PSMB7: variants seen among roughly 807,000 people sequenced by gnomAD.
PSMB7 encodes proteasome 20S subunit beta 7, also known as proteasome subunit beta type-7.
A neutral mutation model predicts 28.1 loss-of-function variants in PSMB7; 5 were observed. The ratio of observed to expected loss-of-function variants is 0.18; its 90% CI spans 0.09 to 0.37. PSMB7 has a LOEUF of 0.37. PSMB7 is among the 10% of genes least tolerant of loss of function. PSMB7 has a pLI of 1.00. For missense variants in PSMB7, 275 were observed against 346.2 expected, an observed-to-expected ratio of 0.79 and a Z score of 1.63; for synonymous variants, 122 against 123.7, an observed-to-expected ratio of 0.99 and a Z score of 0.09.
At position 124,395,513 on chromosome 9, in the gene PSMB7, TTAA is replaced by T. The variant is rs538030292; in HGVS notation, c.511+9801_511+9803del. Among the ~76,000 whole-genome samples the T allele has an allele frequency of 8.6e-4, 131 of 151,778 alleles. 1 individual carries two copies. The highest frequency in any genetic ancestry group is 8.2e-3 in the Admixed American group (125 of 15,238). Reference sequence around the variant, plus strand: ...CCCCTAAAAAATAAAAACAAATAAGTTAATTATTATTTTTTAAAAAGATCTGAA... The same window carrying T: ...CCCCTAAAAAATAAAAACAAATAAGTTTATTATTTTTTAAAAAGATCTGAA... On this transcript the variant is annotated intron_variant, in intron 5 of 7. Coordinates refer to ENST00000259457, the MANE Select transcript of PSMB7 (RefSeq NM_002799.4).
intron 6 of PSMB7, among the ~76,000 whole-genome samples, chr9:124,369,105 G>A (rs977549146): frequency 1.3e-5 from 2 of 152,188 alleles, no homozygotes; most frequent in Non-Finnish European, 1.5e-5. Flanking sequence ...ATGACAGGGT[G>A]ACAATGACGG....
At chr9:124,364,535 A>G (rs1201441108) in intron 6 of PSMB7, among the ~76,000 whole-genome samples, 1 of 152,074 alleles carries the variant, frequency 6.6e-6, no homozygotes, top group Non-Finnish European at 1.5e-5. Flanking sequence ...AAAAAAAAAA[A>G]AAAAAAGAAA....
chr9:124,393,721 G>A (rs1830813782), intron 5 of PSMB7, among the ~76,000 whole-genome samples: 1 of 152,222 alleles, frequency 6.6e-6, no homozygotes, highest in Non-Finnish European at 1.5e-5. Context: ...GACCTGACAG[G>A]TTATAAACAC....
chr9:124,404,105 G>A (rs1830939755), intron 5 of PSMB7, among the ~76,000 whole-genome samples: 1 of 151,714 alleles, frequency 6.6e-6, no homozygotes, highest in South Asian at 2.1e-4. Context: ...GCCTAGGCTG[G>A]TCTTAAACTC....
At chr9:124,383,218 T>A (rs1830685787) in intron 6 of PSMB7, among the ~76,000 whole-genome samples, 3 of 152,254 alleles carry the variant, frequency 2.0e-5, no homozygotes, top group Admixed American at 6.5e-5. Flanking sequence ...TGGGAGTAAC[T>A]GTTCACATTG....
chr9:124,407,617 A>C (rs1830980483), intron 4 of PSMB7, among the ~76,000 whole-genome samples: 1 of 152,250 alleles, frequency 6.6e-6, no homozygotes. Flanking sequence ...AGATGCCTTT[A>C]AAATAATCAA....
chr9:124,390,942 T>A (rs1830776725), intron 5 of PSMB7, among the ~76,000 whole-genome samples: 1 of 152,182 alleles, frequency 6.6e-6, no homozygotes, highest in African/African-American at 2.4e-5. Context: ...CAATCAATCA[T>A]CACAAACAAA....
chr9:124,393,779 T>C (rs1280119141), intron 5 of PSMB7, among the ~76,000 whole-genome samples: 3 of 152,194 alleles, frequency 2.0e-5, no homozygotes, highest in African/African-American at 4.8e-5. Context: ...GCCTAAAATG[T>C]GAGAGGTTTT....
intron 6 of PSMB7, 26 bp downstream of exon 6, chr9:124,384,572 G>A (rs752488442): frequency 6.3e-7 from 1 of 1,584,220 alleles, no homozygotes; most frequent in Non-Finnish European, 8.6e-7. Flanking sequence ...CTTTGAAAAA[G>A]AATAAAACTG....
chr9:124,393,955 G>A (rs767964521), intron 5 of PSMB7, among the ~76,000 whole-genome samples: 15 of 152,306 alleles, frequency 9.8e-5, no homozygotes, highest in South Asian at 2.1e-4. Flanking sequence ...AGGCCACACC[G>A]GGAAACCGAA....
chr9:124,361,886 C>T (rs1830468217), intron 6 of PSMB7, among the ~76,000 whole-genome samples: 1 of 152,244 alleles, frequency 6.6e-6, no homozygotes, highest in Non-Finnish European at 1.5e-5. Flanking sequence ...TTCTTGTCTA[C>T]AGCTACAATC....
intron 5 of PSMB7, among the ~76,000 whole-genome samples, chr9:124,388,748 T>C (rs1830752932): frequency 6.6e-6 from 1 of 152,128 alleles, no homozygotes; most frequent in South Asian, 2.1e-4. Flanking sequence ...TGCCCATGAT[T>C]TCCTAAATGC....
At chr9:124,368,317 C>T (rs760278453) in intron 6 of PSMB7, among the ~76,000 whole-genome samples, 2 of 152,168 alleles carry the variant, frequency 1.3e-5, no homozygotes, top group East Asian at 1.9e-4. Context: ...AAATCACTTG[C>T]GGGTTTCTCT....
chr9:124,356,059 C>T lies in PSMB7; in HGVS notation c.722+705G>A, dbSNP rs1830401610. Among the ~76,000 whole-genome samples, 1 of 152,094 alleles carries T rather than the reference C, an allele frequency of 6.6e-6. No individual in the cohort carries two copies. The highest frequency in any genetic ancestry group is 1.9e-4 in the East Asian group (1 of 5,192). On this transcript the variant is annotated intron_variant, in intron 7 of 7. Coordinates refer to ENST00000259457, the MANE Select transcript of PSMB7 (RefSeq NM_002799.4). This position sits in a 1 kb window ranked among gnomAD's most constrained non-coding sequence, Gnocchi z 4.4. Reference sequence around the variant, plus strand: ...GCAGCTGGAAGCAGCACTCAGGGAGCCCATCCTGACCTGCCCGGGCTCCCA... The same window carrying T: ...GCAGCTGGAAGCAGCACTCAGGGAGTCCATCCTGACCTGCCCGGGCTCCCA...
rs7857897 is a variant in PSMB7, at chr9:124,356,271, G to A, written c.722+493C>T. ...CACCACTGAGCCGAGGGGCCCACTC[G>A]GCATGTAGGCTCAGGCTCAATGGCA... On this transcript the variant is annotated intron_variant, in intron 7 of 7. Coordinates refer to ENST00000259457, the MANE Select transcript of PSMB7 (RefSeq NM_002799.4). The surrounding 1 kb of genome is among the most constrained non-coding windows in gnomAD (Gnocchi z 4.4). Among the ~76,000 whole-genome samples the A allele has an allele frequency of 0.48, 72,634 of 152,092 alleles. 18,118 individuals are homozygous for A. The highest frequency in any genetic ancestry group is 0.56 in the Non-Finnish European group (37,963 of 67,966).
intron 6 of PSMB7, among the ~76,000 whole-genome samples, chr9:124,376,181 G>GA (rs1564678770): frequency 6.6e-6 from 1 of 151,906 alleles, no homozygotes. Flanking sequence ...AGTTATTCAT[G>GA]ATTCACCTCA....
At chr9:124,388,480 C>T (rs1412971178) in intron 5 of PSMB7, among the ~76,000 whole-genome samples, 1 of 152,198 alleles carries the variant, frequency 6.6e-6, no homozygotes, top group Non-Finnish European at 1.5e-5. Flanking sequence ...GCCATGCGGC[C>T]TATTTTAGGT....
At chr9:124,407,406 G>A (rs1199132042) in intron 4 of PSMB7, among the ~76,000 whole-genome samples, 1 of 152,122 alleles carries the variant, frequency 6.6e-6, no homozygotes, top group African/African-American at 2.4e-5. Context: ...GGAAGAAACT[G>A]GTCCAAGGCC....
At chr9:124,390,352 CT>C (rs1443498769) in intron 5 of PSMB7, among the ~76,000 whole-genome samples, 1 of 151,868 alleles carries the variant, frequency 6.6e-6, no homozygotes, top group Non-Finnish European at 1.5e-5. Context: ...GGGACTTATT[CT>C]AAAGAAACAC....
Sources: allele counts gnomAD v4.1 joint callset (sites outside exome capture counted in the v4.1 genomes callset), GRCh38; gene constraint gnomAD v4.1.1; non-coding constraint Gnocchi (gnomAD v3.1); transcripts MANE v1.5; gene names NCBI Gene and HGNC (gene_info 2026-07-23, HGNC 2026-07-21).